Variants in EFCAB6 observed in about 807,000 individuals in gnomAD.
The protein encoded by EFCAB6 is EF-hand calcium binding domain 6, also known as EF-hand calcium-binding domain-containing protein 6.
EFCAB6 carries 156 observed loss-of-function variants against 169.8 expected under a neutral mutation model. The observed-to-expected ratio is 0.92, with a 90% confidence interval of 0.81 to 1.05. The LOEUF (loss-of-function observed/expected upper bound fraction) is 1.05. Ranked by LOEUF, EFCAB6 falls within the 50% of genes least tolerant of loss-of-function variation. EFCAB6 has a pLI of 0.00. For missense variants in EFCAB6, 1,800 were observed against 1,829.1 expected (o/e 0.98, Z 0.29); for synonymous variants, 698 against 676.4 (o/e 1.03, Z -0.50).
chr22:43,644,167 T>C (rs1426870232), intron 17 of EFCAB6, among the ~76,000 whole-genome samples: 1 of 152,128 alleles, frequency 6.6e-6, no homozygotes, highest in Non-Finnish European at 1.5e-5. Flanking sequence ...ACCTGCTTTA[T>C]GTAGATTCAC....
At chr22:43,670,062 T>C (rs893677079) in intron 15 of EFCAB6, among the ~76,000 whole-genome samples, 3 of 152,204 alleles carry the variant, frequency 2.0e-5, no homozygotes, top group Non-Finnish European at 4.4e-5. Context: ...TTTCAGTGAT[T>C]AACTCAGTTT....
In EFCAB6 at chr22:43,667,286, C is replaced by G; in HGVS notation, c.1815-14G>C. 1 of 1,612,346 alleles carries G rather than the reference C, an allele frequency of 6.2e-7. No individual in the cohort carries two copies. Among genetic ancestry groups the G allele is most frequent in the Non-Finnish European group, 8.5e-7 (1 of 1,179,052 alleles). On this transcript the variant is annotated splice_polypyrimidine_tract_variant and intron_variant, in intron 16 of 31. Transcript: ENST00000262726. ...GTGAGCTTGGTTCTAAAATCACAAG[C>G]AGGCATTTAGACCCAGTGTCAACTG...
rs533307203 is a variant in EFCAB6 at position 43,704,055 on chromosome 22, C to G, written c.1031+7420G>C. On this transcript the variant is annotated intron_variant, in intron 10 of 31. Transcript: ENST00000262726. ...ATCAAATTCAACCCAAAGAGGAGGT[C>G]GCCAAGACAACATAATAATCAAACT... Among the ~76,000 whole-genome samples, 138 of 151,868 alleles carry G rather than the reference C, an allele frequency of 9.1e-4. 1 individual carries two copies. The highest frequency in any genetic ancestry group is 3.0e-3 in the African/African-American group (123 of 41,410).
intron 6 of EFCAB6, among the ~76,000 whole-genome samples, chr22:43,738,984 G>A (rs1043799167): frequency 1.3e-5 from 2 of 152,126 alleles, no homozygotes; most frequent in African/African-American, 4.8e-5. Context: ...GCAAGGAAGT[G>A]CTCCTGCCCG....
intron 21 of EFCAB6, among the ~76,000 whole-genome samples, chr22:43,610,630 T>C (rs969405770): frequency 7.2e-5 from 11 of 152,220 alleles, no homozygotes; most frequent in African/African-American, 2.7e-4. Context: ...ATTGGCAATA[T>C]TCTTTTCCTT....
At chr22:43,695,773 A>G (rs1051144698) in intron 10 of EFCAB6, among the ~76,000 whole-genome samples, 7 of 152,092 alleles carry the variant, frequency 4.6e-5, no homozygotes, top group Non-Finnish European at 1.0e-4. Flanking sequence ...GGATATCTGT[A>G]TGGAAACAGA....
chr22:43,633,709 C>T (rs1008286550), intron 18 of EFCAB6, among the ~76,000 whole-genome samples: 61 of 152,308 alleles, frequency 4.0e-4, no homozygotes, highest in Admixed American at 2.9e-3. Flanking sequence ...GTTGCTCCTG[C>T]GCCCTCCCCA....
At chr22:43,716,999 A>G in intron 8 of EFCAB6, 27 bp from the exon 9 acceptor site, 3 of 1,457,528 alleles carry the variant, frequency 2.1e-6, no homozygotes, top group Non-Finnish European at 1.8e-6. Context: ...GCTTCGGCTT[A>G]TCAACATTGT....
intron 20 of EFCAB6, among the ~76,000 whole-genome samples, chr22:43,618,177 A>G (rs12172445): frequency 0.085 from 4,165 of 49,008 alleles, 159 homozygotes; most frequent in African/African-American, 0.098. Flanking sequence ...AAAGAAAGAA[A>G]GAAAGAAAGA....
intron 18 of EFCAB6, among the ~76,000 whole-genome samples, chr22:43,634,118 G>A (rs2147908447): frequency 6.6e-6 from 1 of 152,330 alleles, no homozygotes; most frequent in East Asian, 1.9e-4. Flanking sequence ...GCACTGGGAC[G>A]TGGGGCAAGT....
At chr22:43,757,403 CG>C (rs1363181061) in intron 5 of EFCAB6, among the ~76,000 whole-genome samples, 2 of 151,900 alleles carry the variant, frequency 1.3e-5, no homozygotes, top group Non-Finnish European at 2.9e-5. Flanking sequence ...CAGAATTAGC[CG>C]GGCGTGGTAG....
rs1426070414 is a variant in EFCAB6, at chr22:43,762,310, C to G, written c.440+2995G>C. Reference sequence around the variant, plus strand: ...GATGGTCCTTTGTTAAGTCCTTCCACCTTGGGAAGGCCTTCTAGGCTTTGT... The same window carrying G: ...GATGGTCCTTTGTTAAGTCCTTCCAGCTTGGGAAGGCCTTCTAGGCTTTGT... On this transcript the variant is annotated intron_variant, in intron 5 of 31. Coordinates refer to ENST00000262726, the MANE Select transcript of EFCAB6 (RefSeq NM_022785.4). Among the ~76,000 whole-genome samples, 7 of 152,172 alleles carry G rather than the reference C, an allele frequency of 4.6e-5. No homozygotes were observed. In the East Asian group the frequency reaches 1.3e-3, roughly 29 times the overall value.
chr22:43,610,194 T>C (rs964787139), intron 21 of EFCAB6, among the ~76,000 whole-genome samples: 13 of 152,166 alleles, frequency 8.5e-5, no homozygotes, highest in African/African-American at 3.1e-4. Flanking sequence ...CTTATATTTA[T>C]CAAAAGACAT....
Position 43,635,175 on chromosome 22 carries a change from A to G in EFCAB6, c.2025T>C (p.Tyr675=), listed in dbSNP as rs2055293694. 6.2e-7 allele frequency: 1 copy of G among 1,614,138 alleles called. No individual in the cohort carries two copies. The highest frequency in any genetic ancestry group is 1.1e-5 in the South Asian group (1 of 91,078). ...AGCCTATTTTAGTGGTCAGCAGGGC[A>G]TACTGATCATCGTCCATGGGCATCC... is the stretch of plus-strand genomic sequence containing the variant. ...DTGMPMDDDQ[Y]ALLTTKIGFE... Residue 675 remains tyrosine (Y), a synonymous_variant, in exon 18 of 32, where the codon TAT becomes TAC. Coordinates refer to ENST00000262726, the MANE Select transcript of EFCAB6 (RefSeq NM_022785.4).
intron 13 of EFCAB6, among the ~76,000 whole-genome samples, chr22:43,672,883 TA>T (rs35239951): frequency 3.4e-4 from 52 of 150,918 alleles, no homozygotes; most frequent in East Asian, 9.7e-4. Context: ...AAATAAAAGT[TA>T]AAAAAAAATA....
intron 1 of EFCAB6, among the ~76,000 whole-genome samples, chr22:43,809,898 G>A (rs1222068445): frequency 2.6e-5 from 4 of 151,384 alleles, no homozygotes; most frequent in Non-Finnish European, 5.9e-5. Context: ...GAGCCACCGC[G>A]CACAGCCTGT....
chr22:43,612,321 A>AT (rs2053370581), intron 21 of EFCAB6, among the ~76,000 whole-genome samples: 2 of 152,234 alleles, frequency 1.3e-5, no homozygotes, highest in Non-Finnish European at 1.5e-5. Flanking sequence ...ATTAGATTTG[A>AT]CAGCTTCTGC....
At chr22:43,540,790 C>G (rs1470421320) in intron 27 of EFCAB6, among the ~76,000 whole-genome samples, 1 of 152,134 alleles carries the variant, frequency 6.6e-6, no homozygotes, top group Non-Finnish European at 1.5e-5. Flanking sequence ...AACAGCTCAC[C>G]AGGTGACGCA....
chr22:43,751,604 G>T (rs1465017936), intron 6 of EFCAB6, among the ~76,000 whole-genome samples: 1 of 152,170 alleles, frequency 6.6e-6, no homozygotes, highest in Non-Finnish European at 1.5e-5. Flanking sequence ...GTGAAAGGCA[G>T]GACACCAGAG....
Sources: gnomAD v4.1 joint callset for allele counts (sites outside exome capture counted in the v4.1 genomes callset) on GRCh38, gnomAD v4.1.1 for gene constraint, MANE v1.5 for transcripts, NCBI Gene and HGNC (gene_info 2026-07-23, HGNC 2026-07-21) for gene names.